Variants in KCNN3 observed in about 807,000 individuals in gnomAD.
KCNN3 encodes the protein small conductance calcium-activated potassium channel protein 3.
A neutral mutation model predicts 62.9 loss-of-function variants in KCNN3; 16 were observed. The observed-to-expected ratio is 0.25, with a 90% CI of 0.17 to 0.39. The LOEUF (loss-of-function observed/expected upper bound fraction) is 0.39, where lower values mean the gene tolerates loss of function less well. KCNN3 is among the 10% of genes least tolerant of loss of function. The pLI is 1.00. For missense variants in KCNN3, 599 were observed against 949.4 expected (o/e 0.63, Z 4.85); for synonymous variants, 370 against 389.2 (o/e 0.95, Z 0.58).
At chr1:154,776,888 G>T (rs1315470757) in intron 2 of KCNN3, among the ~76,000 whole-genome samples, 1 of 152,176 alleles carries the variant, frequency 6.6e-6, no homozygotes, top group Non-Finnish European at 1.5e-5. Flanking sequence ...CCTGGCACGG[G>T]TGTTCTTCTT....
At chr1:154,863,683 T>G (rs1652852650) in intron 1 of KCNN3, among the ~76,000 whole-genome samples, 1 of 152,240 alleles carries the variant, frequency 6.6e-6, no homozygotes, top group South Asian at 2.1e-4. Flanking sequence ...GCAGATCTTT[T>G]GACCATGGCC....
intron 1 of KCNN3, among the ~76,000 whole-genome samples, chr1:154,827,553 C>A (rs1557996187): frequency 6.6e-6 from 1 of 152,186 alleles, no homozygotes; most frequent in Non-Finnish European, 1.5e-5. Context: ...AAGTCCAACA[C>A]TTTGGGAGGC....
intron 3 of KCNN3, among the ~76,000 whole-genome samples, chr1:154,740,792 G>T (rs924177569): frequency 6.6e-6 from 1 of 152,058 alleles, no homozygotes; most frequent in Non-Finnish European, 1.5e-5. Context: ...CTTCTGTGGC[G>T]TGTCATTCAT....
rs749891862 is a variant in KCNN3, at chr1:154,787,328, ACCAGGGCCAGGG to A, written c.1030-14947_1030-14936del. On this transcript the variant is annotated intron_variant, in intron 2 of 7. Transcript: ENST00000271915. The stretch of plus-strand genomic sequence containing the variant: ...CATTCCCTCCATTTGGGAGGGAGGG[ACCAGGGCCAGGG>A]CCAGGGCCAGGGCCAGGGCATGCGG... 2.8e-3 allele frequency among the ~76,000 whole-genome samples: 423 copies of A among 152,168 alleles called. 1 individual carries two copies. The highest frequency in any genetic ancestry group is 4.4e-3 in the African/African-American group (181 of 41,506).
At position 154,742,893 on chromosome 1, in the gene KCNN3, C is replaced by T. The variant is rs535382793; in HGVS notation, c.1449-9749G>A. Among the ~76,000 whole-genome samples, 10 of 152,312 alleles carry T rather than the reference C, an allele frequency of 6.6e-5. No homozygotes were observed. The East Asian group carries it at 1.9e-3, about 29-fold the overall frequency. The stretch of plus-strand genomic sequence containing the variant: ...CAGCTGCACGGATGTGGAGAAAGAA[C>T]AGGCAGCAGATGCTGCTGTGTAGGA... On this transcript the variant is annotated intron_variant, in intron 3 of 7. Coordinates refer to ENST00000271915, the MANE Select transcript of KCNN3 (RefSeq NM_002249.6).
At chr1:154,851,844 G>A (rs868715469) in intron 1 of KCNN3, among the ~76,000 whole-genome samples, 1 of 152,142 alleles carries the variant, frequency 6.6e-6, no homozygotes, top group African/African-American at 2.4e-5. Context: ...ATGTAAGTCA[G>A]ATCTTGTCAC....
At chr1:154,846,926 C>T (rs1039027636) in intron 1 of KCNN3, among the ~76,000 whole-genome samples, 1 of 152,156 alleles carries the variant, frequency 6.6e-6, no homozygotes, top group Non-Finnish European at 1.5e-5. Context: ...CAAGGCCAAC[C>T]TCCCATCACC....
chr1:154,847,686 C>G (rs1652133612), intron 1 of KCNN3, among the ~76,000 whole-genome samples: 1 of 152,204 alleles, frequency 6.6e-6, no homozygotes, highest in Non-Finnish European at 1.5e-5. Flanking sequence ...CTTCCCAAGT[C>G]TTCAACTCCT....
At chr1:154,722,672 A>T (rs1487604583) in intron 5 of KCNN3, among the ~76,000 whole-genome samples, 1 of 151,008 alleles carries the variant, frequency 6.6e-6, no homozygotes, top group Non-Finnish European at 1.5e-5. Context: ...CATTACAGGC[A>T]TGAGCCACCG....
intron 1 of KCNN3, among the ~76,000 whole-genome samples, chr1:154,843,298 C>T (rs1377721013): frequency 1.3e-5 from 2 of 152,092 alleles, no homozygotes; most frequent in East Asian, 3.9e-4. Flanking sequence ...GAAGCTGCCC[C>T]ATCCAGGTTC....
intron 6 of KCNN3, among the ~76,000 whole-genome samples, chr1:154,714,543 G>GT (rs1557938486): frequency 1.9e-4 from 5 of 26,736 alleles, no homozygotes; most frequent in African/African-American, 7.8e-4. Flanking sequence ...GTGTGTGTGG[G>GT]GTGTGTGTGT....
chr1:154,714,194 GTGTGTGTGTCGTA>G, intron 6 of KCNN3, among the ~76,000 whole-genome samples: 1 of 106,308 alleles, frequency 9.4e-6, no homozygotes, highest in Non-Finnish European at 2.0e-5. Context: ...TGTGTGTGTG[GTGTGTGTGTCGTA>G]TGTGGTGTGC....
chr1:154,866,526 G>A (rs1373002102), intron 1 of KCNN3, among the ~76,000 whole-genome samples: 1 of 152,214 alleles, frequency 6.6e-6, no homozygotes, highest in East Asian at 1.9e-4. Flanking sequence ...TTTGCCTCCA[G>A]GAGAGAGGGA....
At chr1:154,808,125 C>G (rs954764443) in intron 2 of KCNN3, among the ~76,000 whole-genome samples, 1 of 152,168 alleles carries the variant, frequency 6.6e-6, no homozygotes, top group African/African-American at 2.4e-5. Flanking sequence ...AAGACAAATT[C>G]CCTGGCTTCC....
intron 2 of KCNN3, among the ~76,000 whole-genome samples, chr1:154,777,521 G>A (rs1648840141): frequency 6.6e-6 from 1 of 152,096 alleles, no homozygotes; most frequent in Admixed American, 6.5e-5. Context: ...CCATGGGAAG[G>A]GACACCCTCT....
At chr1:154,754,177 G>A (rs543028601) in intron 3 of KCNN3, among the ~76,000 whole-genome samples, 2 of 152,320 alleles carry the variant, frequency 1.3e-5, no homozygotes, top group South Asian at 4.1e-4. Context: ...TCTAGAGGGA[G>A]CAATTGAAGG....
intron 4 of KCNN3, among the ~76,000 whole-genome samples, chr1:154,729,828 T>A (rs1448196889): frequency 6.6e-6 from 1 of 152,264 alleles, no homozygotes; most frequent in Non-Finnish European, 1.5e-5. Flanking sequence ...ACTCAATTTG[T>A]GCTACCTTTT....
chr1:154,766,822 G>C (rs1648314000), intron 3 of KCNN3, among the ~76,000 whole-genome samples: 1 of 151,940 alleles, frequency 6.6e-6, no homozygotes, highest in Admixed American at 6.5e-5. Flanking sequence ...TGGGACTACA[G>C]GTGTGTGCCA....
At chr1:154,804,033 TC>T (rs1472004833) in intron 2 of KCNN3, among the ~76,000 whole-genome samples, 8 of 152,188 alleles carry the variant, frequency 5.3e-5, no homozygotes, top group Non-Finnish European at 1.0e-4. Flanking sequence ...CTGTCATTGC[TC>T]CCTTGTTGGC....
Sources: gnomAD v4.1 joint callset for allele counts (sites outside exome capture counted in the v4.1 genomes callset) on GRCh38, gnomAD v4.1.1 for gene constraint, MANE v1.5 for transcripts, NCBI Gene and HGNC (gene_info 2026-07-23, HGNC 2026-07-21) for gene names.